The following HOXD13 variants were observed in gnomAD, a reference collection of about 807,000 sequenced individuals.
HOXD13 encodes the protein homeobox D13.
In HOXD13, 16 loss-of-function variants were observed where a neutral mutation model predicts 27.3. That is an observed-to-expected ratio of 0.59 (90% CI 0.40 to 0.89). The LOEUF is 0.89. Ranked by LOEUF, HOXD13 falls within the 40% of genes least tolerant of loss-of-function variation. The pLI is 0.00. For missense variants in HOXD13, 481 were observed against 482.6 expected, an observed-to-expected ratio of 1.00 and a Z score of 0.03; for synonymous variants, 241 against 219.0, an observed-to-expected ratio of 1.10 and a Z score of -0.89.
Position 176,093,181 on chromosome 2 carries a change from G to A in HOXD13, c.291G>A (p.Ala97=). 1 of 1,608,556 alleles carries A rather than the reference G, an allele frequency of 6.2e-7. No homozygotes were observed. Among genetic ancestry groups the A allele is most frequent in the African/African-American group, 1.3e-5 (1 of 74,986 alleles). Residue 97 remains alanine, a synonymous_variant, in exon 1 of 2, where the codon GCG becomes GCA. Transcript: ENST00000392539. ...CGTCCTCTTCTGCCGTTGTAGCGGC[G>A]CGCCCGGAGGCTCCCCCAGCCAAAG... is the stretch of plus-strand genomic sequence containing the variant. ...SSSSSSAVVA[A]RPEAPPAKEC...
At position 176,093,660 on chromosome 2, in the gene HOXD13, C is replaced by G; in HGVS notation, c.770C>G (p.Ser257Cys). ...CCACAGGGGTCCCACTTTTGGAAAT[C>G]TTCCTTTCCAGGTAGGGGCGATGGA... ...DQPQGSHFWK[S>C]SFPGDVALNQ... is the part of the protein sequence containing the mutation. The change falls in exon 1 of 2, where the codon TCT becomes TGT. Residue 257 changes from serine (S) to cysteine (C), a missense_variant. Physicochemically the swap from Ser to Cys is moderately radical, Grantham distance 112. Coordinates refer to ENST00000392539, the MANE Select transcript of HOXD13 (RefSeq NM_000523.4). 1 of 1,592,866 alleles carries G rather than the reference C, an allele frequency of 6.3e-7. No homozygotes were observed. The highest frequency in any genetic ancestry group is 8.6e-7 in the Non-Finnish European group (1 of 1,166,748).
At chr2:176,090,216 C>T (rs2105376622), upstream of HOXD13, among the ~76,000 whole-genome samples, 1 of 152,378 alleles carries the variant, frequency 6.6e-6, no homozygotes, top group East Asian at 1.9e-4. Flanking sequence ...TCCCACAGGG[C>T]TGGGACCCCA....
At chr2:176,093,769 T>G in intron 1 of HOXD13, 98 bp downstream of exon 1, 2 of 792,380 alleles carry the variant, frequency 2.5e-6, no homozygotes, top group Non-Finnish European at 4.0e-6. Context: ...GGAGTGGGAG[T>G]TGTGCCTGTG....
rs2105378082 is a variant in HOXD13 at position 176,092,921 on chromosome 2, G to T, written c.31G>T (p.Gly11Trp). 7.6e-7 allele frequency: 1 copy of T among 1,320,634 alleles called. No individual in the cohort carries two copies. Among genetic ancestry groups the T allele is most frequent in the Non-Finnish European group, 9.6e-7 (1 of 1,038,686 alleles). 81.8% of individuals were successfully genotyped at this position (1,320,634 alleles called of 1,614,324 possible). The change falls in exon 1 of 2, where the codon GGG (glycine) becomes TGG (tryptophan). Residue 11 changes from glycine to tryptophan, a missense_variant. Transcript: ENST00000392539. The part of the protein sequence containing the change: MSRAGSWDMD[G>W]LRADGGGAGG... Reference sequence around the variant, plus strand: ...CCGCGCCGGGAGCTGGGACATGGACGGGCTGCGGGCAGACGGCGGGGGCGC... The same window carrying T: ...CCGCGCCGGGAGCTGGGACATGGACTGGCTGCGGGCAGACGGCGGGGGCGC...
chr2:176,091,172 G>A (rs1689313273), upstream of HOXD13, among the ~76,000 whole-genome samples: 1 of 152,164 alleles, frequency 6.6e-6, no homozygotes. Flanking sequence ...TGAAATGCCA[G>A]GCCAGGCCAA....
In HOXD13 at chr2:176,092,737, G is replaced by C. The variant is rs1274289508; in HGVS notation, c.-154G>C. On this transcript the variant is annotated 5_prime_UTR_variant, in exon 1 of 2. Coordinates refer to ENST00000392539, the MANE Select transcript of HOXD13 (RefSeq NM_000523.4). ...AGCTAACCTGTTGGAGGGCAGGCGG[G>C]CCGGAGGCGGGAGGCTCACAGAGGG... Among the ~76,000 whole-genome samples the C allele has an allele frequency of 6.6e-6, 1 of 152,154 alleles. No homozygotes were observed. Among genetic ancestry groups the C allele is most frequent in the African/African-American group, 2.4e-5 (1 of 41,458 alleles).
At chr2:176,094,385 G>GCACACACACACACACA (rs10649769) in intron 1 of HOXD13, 95 bp from the exon 2 acceptor site, 13 of 1,202,122 alleles carry the variant, frequency 1.1e-5, no homozygotes, top group African/African-American at 1.6e-5. Context: ...CCCTGCAAAC[G>GCACACACACACACACA]CACACACACA....
In HOXD13 at chr2:176,092,955, C is replaced by T. The variant is rs1247008014; in HGVS notation, c.65C>T (p.Ala22Val). Residue 22 changes from alanine (A) to valine (V), a missense_variant, in exon 1 of 2, where the codon GCC becomes GTC. Transcript: ENST00000392539. ...GCAGACGGCGGGGGCGCCGGTGGCG[C>T]CCCGGCCTCTTCCTCCTCCTCATCG... ...LRADGGGAGGAPASSSSSSVA... is the reference protein window; with the variant it reads ...LRADGGGAGGVPASSSSSSVA... 3.7e-6 allele frequency: 5 copies of T among 1,333,754 alleles called. No homozygotes were observed. Among genetic ancestry groups the T allele is most frequent in the African/African-American group, 1.5e-5 (1 of 64,740 alleles). 82.6% of individuals were successfully genotyped at this position (1,333,754 alleles called of 1,614,324 possible).
upstream of HOXD13, among the ~76,000 whole-genome samples, chr2:176,089,460 A>C (rs1313064876): frequency 6.6e-6 from 1 of 152,214 alleles, no homozygotes; most frequent in Non-Finnish European, 1.5e-5. Context: ...AAGTGCTTTC[A>C]AAGGAGTCCC....
rs367674921 is a variant in HOXD13 at position 176,093,564 on chromosome 2, C to G, written c.674C>G (p.Ser225Cys). The change falls in exon 1 of 2, where the codon TCC (serine) becomes TGC (cysteine). Residue 225 changes from serine (S) to cysteine (C), a missense_variant. Physicochemically the swap from Ser to Cys is moderately radical, Grantham distance 112. Transcript: ENST00000392539. ...SGEPRHEAYISMEGYQSWTLA... is the reference protein window; with the variant it reads ...SGEPRHEAYICMEGYQSWTLA... ...GAGCCTCGGCACGAGGCCTACATCTCCATGGAGGGGTACCAGTCCTGGACG... is the reference window on the plus strand; with the variant it reads ...GAGCCTCGGCACGAGGCCTACATCTGCATGGAGGGGTACCAGTCCTGGACG... 1.2e-6 allele frequency: 2 copies of G among 1,613,678 alleles called. No homozygotes were observed. Among genetic ancestry groups the G allele is most frequent in the African/African-American group, 2.7e-5 (2 of 74,926 alleles).
Position 176,095,336 on chromosome 2 carries a change from TTGAAA to T in HOXD13, c.*611_*615del. 4.4e-6 allele frequency: 1 copy of T among 228,578 alleles called. No individual in the cohort carries two copies. Among genetic ancestry groups the T allele is most frequent in the Non-Finnish European group, 8.7e-6 (1 of 114,888 alleles). 14.2% of individuals were successfully genotyped at this position (228,578 alleles called of 1,614,324 possible). On this transcript the variant is annotated 3_prime_UTR_variant, in exon 2 of 2. Transcript: ENST00000392539. ...TTATTAAATAGGGATTGTATCAATA[TTGAAA>T]TGAAGACAATCTTTCCAACTTTGGG... is the stretch of plus-strand genomic sequence containing the variant.
upstream of HOXD13, among the ~76,000 whole-genome samples, chr2:176,087,880 A>T (rs1056527801): frequency 1.3e-5 from 2 of 152,260 alleles, no homozygotes; most frequent in African/African-American, 4.8e-5. Context: ...TTTCCAGACT[A>T]AATATTTGTT....
rs1689391450 is a variant in HOXD13, at chr2:176,094,968, A to T, written c.*238A>T. On this transcript the variant is annotated 3_prime_UTR_variant, in exon 2 of 2. Coordinates refer to ENST00000392539, the MANE Select transcript of HOXD13 (RefSeq NM_000523.4). ...GTTTTGTTCTTGCCTAGGGTTTTTA[A>T]AATATCTGTTTTTAATGTTTTGTTT... 1.9e-6 allele frequency: 1 copy of T among 530,968 alleles called. No individual in the cohort carries two copies. The highest frequency in any genetic ancestry group is 2.2e-5 in the South Asian group (1 of 45,946). The allele number at this position is 530,968 out of a possible 1,614,324, so 32.9% of individuals were successfully genotyped here.
Position 176,095,527 on chromosome 2 carries a change from C to T in HOXD13, c.*797C>T, listed in dbSNP as rs988799218. Reference sequence around the variant, plus strand: ...AATGGCTGCAATCAGTAGAGTGACCCGCGGATGGCATAAATGCACCTCCTT... The same window carrying T: ...AATGGCTGCAATCAGTAGAGTGACCTGCGGATGGCATAAATGCACCTCCTT... On this transcript the variant is annotated 3_prime_UTR_variant, in exon 2 of 2. Transcript: ENST00000392539. 8.7e-6 allele frequency: 2 copies of T among 229,204 alleles called. No individual in the cohort carries two copies. Among genetic ancestry groups the T allele is most frequent in the Admixed American group, 5.7e-5 (1 of 17,622 alleles). 14.2% of individuals were successfully genotyped at this position (229,204 alleles called of 1,614,324 possible). A position where few individuals can be genotyped will look rare whatever the true frequency, so the allele number is the denominator to read the frequency against.
rs774237510 is a variant in HOXD13 at position 176,093,235 on chromosome 2, C to G, written c.345C>G (p.Ala115=). The change falls in exon 1 of 2, where the codon GCC becomes GCG. Residue 115 remains alanine (A), a synonymous_variant. Coordinates refer to ENST00000392539, the MANE Select transcript of HOXD13 (RefSeq NM_000523.4). ...KECPAPTPAA[A]AAAPPSAPAL... ...GCCCAGCACCCACGCCTGCAGCGGC[C>G]GCTGCAGCGCCCCCGAGCGCTCCAG... The G allele has an allele frequency of 3.1e-6, 5 of 1,609,690 alleles. No individual in the cohort carries two copies. The East Asian group carries it at 8.9e-5, about 29-fold the overall frequency.
the HOXD13 span, among the ~76,000 whole-genome samples, chr2:176,087,557 G>A: frequency 6.6e-6 from 1 of 152,218 alleles, no homozygotes; most frequent in East Asian, 1.9e-4. Context: ...GCCCCTCCCT[G>A]TTGATGCTTT....
At position 176,093,469 on chromosome 2, in the gene HOXD13, C is replaced by G. The variant is rs756869286; in HGVS notation, c.579C>G (p.Tyr193Ter). 1.2e-6 allele frequency: 2 copies of G among 1,614,074 alleles called. No homozygotes were observed. Among genetic ancestry groups the G allele is most frequent in the Non-Finnish European group, 1.7e-6 (2 of 1,180,036 alleles). Reference protein sequence around the residue: ...VPARAKEVSFYQGYTSPYQHV... With the variant: ...VPARAKEVSF ...CGCGAGCCAAGGAGGTATCCTTCTA[C>G]CAGGGCTATACGAGCCCTTACCAGC... The change falls in exon 1 of 2, where the codon TAC becomes TAG. Residue 193 changes from tyrosine (Y) to a stop codon, truncating the protein, a stop_gained. Transcript: ENST00000392539. LOFTEE classifies it high-confidence loss of function.
rs908743332 is a variant in HOXD13, at chr2:176,094,892, T to G, written c.*162T>G. On this transcript the variant is annotated 3_prime_UTR_variant, in exon 2 of 2. Transcript: ENST00000392539. Reference sequence around the variant, plus strand: ...TTCCCCTTATCTGGCTCTAAAACCTTCTGCTGCCCAACCTGACTTTGTAGT... The same window carrying G: ...TTCCCCTTATCTGGCTCTAAAACCTGCTGCTGCCCAACCTGACTTTGTAGT... The G allele has an allele frequency of 9.4e-6, 6 of 637,768 alleles. No homozygotes were observed. Among genetic ancestry groups the G allele is most frequent in the Admixed American group, 2.7e-5 (1 of 37,718 alleles). The allele number at this position is 637,768 out of a possible 1,614,324, so 39.5% of individuals were successfully genotyped here.
At chr2:176,087,949 C>T (rs773945076), upstream of HOXD13, among the ~76,000 whole-genome samples, 70 of 152,374 alleles carry the variant, frequency 4.6e-4, no homozygotes, top group Non-Finnish European at 2.8e-4. Context: ...CCTATGACTG[C>T]AGGTAATAAA....
Sources: gnomAD v4.1 joint callset for allele counts (sites outside exome capture counted in the v4.1 genomes callset) on GRCh38, gnomAD v4.1.1 for gene constraint, MANE v1.5 for transcripts, NCBI Gene and HGNC (gene_info 2026-07-23, HGNC 2026-07-21) for gene names.